The following SUCLG2 variants were observed in gnomAD, a reference collection of about 807,000 sequenced individuals.
SUCLG2 encodes succinate--CoA ligase [GDP-forming] subunit beta, mitochondrial.
A neutral mutation model predicts 47.9 loss-of-function variants in SUCLG2; 42 were observed. That is an observed-to-expected ratio of 0.88 (90% confidence interval 0.69 to 1.14). The LOEUF is 1.14. Ranked by LOEUF, SUCLG2 falls within the 50% of genes most tolerant of loss-of-function variation. The probability of loss-of-function intolerance (pLI) is 0.00; values close to 1 mark genes in which losing one functional copy is unlikely to be tolerated. For missense variants in SUCLG2, 571 were observed against 525.9 expected, an observed-to-expected ratio of 1.09 and a Z score of -0.84; for synonymous variants, 195 against 197.3, an observed-to-expected ratio of 0.99 and a Z score of 0.10.
Position 67,479,940 on chromosome 3 carries a change from C to A in SUCLG2, c.1062+15858G>T, listed in dbSNP as rs1704867898. Among the ~76,000 whole-genome samples the A allele has an allele frequency of 2.0e-5, 3 of 152,168 alleles. No homozygotes were observed. The South Asian group carries it at 6.2e-4, about 32-fold the overall frequency. ...CTGGAAGATTATCCTTAATTCTCAT[C>A]TGGGTAACAAAGTCACTTTAGAATG... On this transcript the variant is annotated intron_variant, in intron 9 of 10. Coordinates refer to ENST00000307227, the MANE Select transcript of SUCLG2 (RefSeq NM_003848.4).
intron 2 of SUCLG2, among the ~76,000 whole-genome samples, chr3:67,590,557 C>T (rs2107275941): frequency 6.6e-6 from 1 of 152,236 alleles, no homozygotes; most frequent in African/African-American, 2.4e-5. Flanking sequence ...GCACCTCCCA[C>T]CTCCCACTCG....
intron 2 of SUCLG2, among the ~76,000 whole-genome samples, chr3:67,608,212 T>C (rs1206364209): frequency 1.3e-5 from 2 of 152,146 alleles, no homozygotes; most frequent in Non-Finnish European, 2.9e-5. Context: ...CCCCATGTTC[T>C]AAGGGACTTA....
rs114440974 is a variant in SUCLG2 at position 67,644,597 on chromosome 3, C to T, written c.84+9906G>A. On this transcript the variant is annotated intron_variant, in intron 1 of 10. Transcript: ENST00000307227. The stretch of plus-strand genomic sequence containing the variant: ...TAACAATATGAATATATAACAATGT[C>T]CGAGTATGGTTAAAATGGCAAAATG... 6.8e-3 allele frequency among the ~76,000 whole-genome samples: 1,033 copies of T among 151,506 alleles called. 16 individuals are homozygous for T. Among genetic ancestry groups the T allele is most frequent in the African/African-American group, 0.024 (994 of 41,260 alleles).
At chr3:67,364,880 C>G (rs990963549) in intron 10 of SUCLG2, among the ~76,000 whole-genome samples, 1 of 152,096 alleles carries the variant, frequency 6.6e-6, no homozygotes, top group Non-Finnish European at 1.5e-5. Flanking sequence ...TTTAAAGCAA[C>G]CATCATAAAA....
chr3:67,450,336 C>G (rs916279327), intron 9 of SUCLG2, among the ~76,000 whole-genome samples: 6 of 152,188 alleles, frequency 3.9e-5, no homozygotes, highest in Admixed American at 3.3e-4. Flanking sequence ...GCTACCAAAC[C>G]TGGGAAAATG....
At position 67,462,746 on chromosome 3, in the gene SUCLG2, G is replaced by A. The variant is rs560236137; in HGVS notation, c.1062+33052C>T. 6.6e-5 allele frequency among the ~76,000 whole-genome samples: 10 copies of A among 152,304 alleles called. No homozygotes were observed. The South Asian group carries it at 1.9e-3, about 28-fold the overall frequency. The stretch of plus-strand genomic sequence containing the variant: ...GTCATGGGAAACCCAATTTATAGCC[G>A]GTTGGTGAGAAACACAGGTAAAACA... On this transcript the variant is annotated intron_variant, in intron 9 of 10. Coordinates refer to ENST00000307227, the MANE Select transcript of SUCLG2 (RefSeq NM_003848.4).
At chr3:67,557,845 C>T (rs1360660851) in intron 2 of SUCLG2, among the ~76,000 whole-genome samples, 1 of 152,152 alleles carries the variant, frequency 6.6e-6, no homozygotes, top group Non-Finnish European at 1.5e-5. Context: ...TTGGGCACCC[C>T]TGAAAAATCA....
intron 9 of SUCLG2, among the ~76,000 whole-genome samples, chr3:67,449,400 A>T (rs1469019539): frequency 2.6e-5 from 4 of 152,188 alleles, no homozygotes; most frequent in African/African-American, 7.2e-5. Flanking sequence ...GGAACTATAA[A>T]AGCCCAAAAC....
chr3:67,557,585 A>T (rs1707195706), intron 2 of SUCLG2, among the ~76,000 whole-genome samples: 1 of 152,184 alleles, frequency 6.6e-6, no homozygotes, highest in Non-Finnish European at 1.5e-5. Flanking sequence ...TTCTGTTATA[A>T]GGTTAGGAAC....
At chr3:67,637,644 A>T (rs1701031828) in intron 1 of SUCLG2, among the ~76,000 whole-genome samples, 1 of 152,198 alleles carries the variant, frequency 6.6e-6, no homozygotes, top group Non-Finnish European at 1.5e-5. Flanking sequence ...CTGCCCTCCA[A>T]CCTGATCTTC....
chr3:67,529,283 A>G (rs1361655595), intron 2 of SUCLG2, 97 bp from the exon 3 acceptor site: 45 of 866,648 alleles, frequency 5.2e-5, no homozygotes, highest in Non-Finnish European at 7.2e-5. Context: ...ACTTCCAAGT[A>G]ACTGGTAAAA....
chr3:67,502,704 T>A (rs1705530494), intron 7 of SUCLG2, among the ~76,000 whole-genome samples: 2 of 152,200 alleles, frequency 1.3e-5, no homozygotes, highest in Admixed American at 1.3e-4. Context: ...AATTATCTGT[T>A]CCTTTATAAT....
rs77404664 is a variant in SUCLG2, at chr3:67,573,886, A to T, written c.226+35569T>A. Among the ~76,000 whole-genome samples the T allele has an allele frequency of 3.1e-3, 466 of 152,280 alleles. 1 individual carries two copies. Among genetic ancestry groups the T allele is most frequent in the Non-Finnish European group, 5.4e-3 (364 of 68,014 alleles). On this transcript the variant is annotated intron_variant, in intron 2 of 10. Transcript: ENST00000307227. ...GACAAAGAGCCCCATCTTTAGCTGA[A>T]CTAAGGAAAAGTCCTGCAACAACAG...
intron 10 of SUCLG2, among the ~76,000 whole-genome samples, chr3:67,391,282 T>G (rs1297502223): frequency 6.6e-6 from 1 of 152,178 alleles, no homozygotes. Context: ...GGACACTTTC[T>G]TATCCTTGAT....
At chr3:67,405,094 AG>A (rs1702771921) in intron 9 of SUCLG2, among the ~76,000 whole-genome samples, 1 of 151,416 alleles carries the variant, frequency 6.6e-6, no homozygotes, top group Admixed American at 6.6e-5. Flanking sequence ...GAGAATTATG[AG>A]GGTTGCTATT....
intron 9 of SUCLG2, among the ~76,000 whole-genome samples, chr3:67,421,878 A>C (rs2106860701): frequency 6.6e-6 from 1 of 152,346 alleles, no homozygotes; most frequent in East Asian, 1.9e-4. Context: ...TAGAAAAATA[A>C]TTAAAATTGG....
chr3:67,493,733 G>A (rs1041654765), intron 9 of SUCLG2, among the ~76,000 whole-genome samples: 7 of 152,108 alleles, frequency 4.6e-5, no homozygotes, highest in African/African-American at 4.8e-5. Flanking sequence ...AGCTTAAGGA[G>A]CTGTGTGTCT....
chr3:67,463,080 C>T (rs1704378210), intron 9 of SUCLG2, among the ~76,000 whole-genome samples: 1 of 152,162 alleles, frequency 6.6e-6, no homozygotes, highest in Admixed American at 6.6e-5. Context: ...AAAAGCAAGT[C>T]CTATGAGTTG....
chr3:67,635,218 G>A (rs1408206309), intron 1 of SUCLG2, among the ~76,000 whole-genome samples: 1 of 152,210 alleles, frequency 6.6e-6, no homozygotes, highest in Non-Finnish European at 1.5e-5. Context: ...GGTAGGAACT[G>A]TGGCAGAACC....
Sources: allele counts gnomAD v4.1 joint callset (sites outside exome capture counted in the v4.1 genomes callset), GRCh38; gene constraint gnomAD v4.1.1; transcripts MANE v1.5; gene names NCBI Gene and HGNC (gene_info 2026-07-23, HGNC 2026-07-21).